The following BCOR variants were observed in gnomAD, a reference collection of about 807,000 sequenced individuals.
The protein encoded by BCOR is BCL6 corepressor, also known as BCL-6 corepressor.
BCOR carries 10 observed loss-of-function variants against 86.7 expected under a neutral mutation model. That is an observed-to-expected ratio of 0.12 (90% confidence interval 0.07 to 0.20). BCOR has a LOEUF of 0.20. BCOR is among the 10% of genes least tolerant of loss of function. BCOR has a pLI of 1.00. For missense variants in BCOR, 1,259 were observed against 1,452.1 expected (o/e 0.87, Z 2.16); for synonymous variants, 611 against 609.0 (o/e 1.00, Z -0.05).
rs768157411 is a variant in BCOR, at chrX:40,159,358, G to GT, written c.-41+17648dup. Among the ~76,000 whole-genome samples, 435 of 112,666 alleles carry GT rather than the reference G, an allele frequency of 3.9e-3. 3 individuals carry two copies. The highest frequency in any genetic ancestry group is 0.013 in the African/African-American group (405 of 31,068). On this transcript the variant is annotated intron_variant, in intron 1 of 14. Coordinates refer to the BCOR transcript ENST00000342274. The stretch of plus-strand genomic sequence containing the variant: ...AAAGTGTTTTTTTTGTTTGTTTTTT[G>GT]TTTTTTGAGACAGAGTCTCGCTCTG...
intron 1 of BCOR, among the ~76,000 whole-genome samples, chrX:40,160,186 G>A (rs1382964661): frequency 2.7e-5 from 3 of 109,894 alleles, no homozygotes; most frequent in East Asian, 5.8e-4. Flanking sequence ...CGCGATCTCG[G>A]CTCACTGCAA....
chrX:40,172,316 G>C (rs904559871), intron 1 of BCOR, among the ~76,000 whole-genome samples: 1 of 112,439 alleles, frequency 8.9e-6, no homozygotes, highest in African/African-American at 3.2e-5. Context: ...GAGCGAACAG[G>C]TCCTCGCCAG....
At chrX:40,070,007 G>A (rs1227102223) in intron 6 of BCOR, among the ~76,000 whole-genome samples, 3 of 111,757 alleles carry the variant, frequency 2.7e-5, no homozygotes, top group East Asian at 2.8e-4. Context: ...AGGGGTGTGC[G>A]CTCCGAGTAT....
intron 1 of BCOR, among the ~76,000 whole-genome samples, chrX:40,113,488 G>A (rs1403327272): frequency 1.8e-5 from 2 of 110,727 alleles, no homozygotes; most frequent in Non-Finnish European, 3.8e-5. Flanking sequence ...CCTTAACAAG[G>A]CCACTTCATT....
intron 1 of BCOR, among the ~76,000 whole-genome samples, chrX:40,104,988 C>T (rs1937145432): frequency 9.0e-6 from 1 of 110,903 alleles, no homozygotes; most frequent in Non-Finnish European, 1.9e-5. Flanking sequence ...CGGAGCCCGG[C>T]CAGGCTCGGT....
Position 40,074,139 on chromosome X carries a change from C to A in BCOR, c.1207G>T (p.Ala403Ser). 4 of 1,212,270 alleles carry A rather than the reference C, an allele frequency of 3.3e-6. No homozygotes were observed. In the Middle Eastern group the frequency reaches 9.2e-4, roughly 279 times the overall value. Residue 403 changes from alanine (A) to serine (S), a missense_variant, in exon 4 of 15, where the codon GCC (alanine) becomes TCC (serine). By Grantham distance (99) the Ala-to-Ser change is moderately conservative (BLOSUM62 1). Around this residue, in one of 7 missense-constraint regions of BCOR, gnomAD observed 534 missense variants for 594.8 expected, o/e 0.90. Coordinates refer to ENST00000378444, the MANE Select transcript of BCOR (RefSeq NM_001123385.2). ...CGGGCATGCCCGGGCACTGGCTGGGCACCTTCGCCCCCTTCCGGAGCCTTG... is the reference window on the plus strand; with the variant it reads ...CGGGCATGCCCGGGCACTGGCTGGGAACCTTCGCCCCCTTCCGGAGCCTTG... ...YPKAPEGGEG[A>S]QPVPGHARKT...
chrX:40,086,343 A>C (rs1234404784), intron 1 of BCOR, among the ~76,000 whole-genome samples: 2 of 112,912 alleles, frequency 1.8e-5, no homozygotes, highest in Non-Finnish European at 3.7e-5. Context: ...CTTAGGGCTG[A>C]AAGTTATTTT....
At chrX:40,129,019 G>A (rs1937575461) in intron 1 of BCOR, among the ~76,000 whole-genome samples, 1 of 111,964 alleles carries the variant, frequency 8.9e-6, no homozygotes, top group Admixed American at 9.5e-5. Context: ...ACAACTAAAT[G>A]ACCCTATTTT....
At chrX:40,052,427 G>T in intron 14 of BCOR, 27 bp from the exon 15 acceptor site, 1 of 1,198,303 alleles carries the variant, frequency 8.3e-7, no homozygotes, top group South Asian at 1.8e-5. Flanking sequence ...AAAATGCTTT[G>T]AGTTTCCAGT....
chrX:40,052,813 C>G (rs1484652604), intron 14 of BCOR, among the ~76,000 whole-genome samples: 4 of 111,169 alleles, frequency 3.6e-5, no homozygotes, highest in Non-Finnish European at 5.7e-5. Context: ...ATCCGCCCGC[C>G]TTGGCCTCCC....
intron 1 of BCOR, among the ~76,000 whole-genome samples, chrX:40,130,740 C>A (rs1037314820): frequency 8.9e-6 from 1 of 112,231 alleles, no homozygotes; most frequent in East Asian, 2.8e-4. Context: ...GAGGGGCAAA[C>A]GACCCCCTCC....
intron 1 of BCOR, among the ~76,000 whole-genome samples, chrX:40,156,799 G>A (rs943853467): frequency 8.8e-6 from 1 of 113,566 alleles, no homozygotes; most frequent in Non-Finnish European, 1.9e-5. Context: ...CTCACGCCTG[G>A]GGCAGCTTAA....
chrX:40,077,970 C>G lies in BCOR; in HGVS notation c.-40-1G>C, dbSNP rs2147333431. 1 of 1,117,627 alleles carries G rather than the reference C, an allele frequency of 8.9e-7. No individual in the cohort carries two copies. The highest frequency in any genetic ancestry group is 1.2e-6 in the Non-Finnish European group (1 of 809,573). 92.1% of individuals were successfully genotyped at this position (1,117,627 alleles called of 1,213,427 possible). A position where few individuals can be genotyped will look rare whatever the true frequency, so the allele number is the denominator to read the frequency against. On this transcript the variant is annotated splice_acceptor_variant, in intron 1 of 14. Coordinates refer to ENST00000378444, the MANE Select transcript of BCOR (RefSeq NM_001123385.2). LOFTEE classifies it low-confidence loss of function (5UTR_SPLICE). ...GGCAGCTTTGCTTCAAGCGTCTAGT[C>G]TGTTAAAAGGAAAGAAAAAAAATCC...
intron 1 of BCOR, among the ~76,000 whole-genome samples, chrX:40,151,339 T>TAATG (rs1476939536): frequency 3.6e-5 from 4 of 112,229 alleles, no homozygotes; most frequent in African/African-American, 1.3e-4. Context: ...CACCCTTCTG[T>TAATG]AATGTTTTCC....
chrX:40,078,744 G>A (rs1935934749), intron 1 of BCOR, among the ~76,000 whole-genome samples: 1 of 111,898 alleles, frequency 8.9e-6, no homozygotes, highest in South Asian at 3.7e-4. Context: ...GCTGGCACAT[G>A]GGGAGCCGGC....
chrX:40,169,761 A>G (rs1406625660), intron 1 of BCOR, among the ~76,000 whole-genome samples: 1 of 111,182 alleles, frequency 9.0e-6, no homozygotes, highest in Non-Finnish European at 1.9e-5. Flanking sequence ...TAAATGAATC[A>G]CGAGGGGGAA....
chrX:40,128,429 C>G (rs1271041078), intron 1 of BCOR, among the ~76,000 whole-genome samples: 3 of 110,846 alleles, frequency 2.7e-5, no homozygotes, highest in Non-Finnish European at 5.7e-5. Flanking sequence ...ACCTGTGATC[C>G]CAGCGACTTG....
chrX:40,085,940 A>C (rs1168905675), intron 1 of BCOR, among the ~76,000 whole-genome samples: 1 of 111,663 alleles, frequency 9.0e-6, no homozygotes, highest in Non-Finnish European at 1.9e-5. Flanking sequence ...GGTACCAGGA[A>C]CTCAAAGAAA....
chrX:40,088,725 A>G (rs1307753078), intron 1 of BCOR, among the ~76,000 whole-genome samples: 1 of 112,088 alleles, frequency 8.9e-6, no homozygotes, highest in Non-Finnish European at 1.9e-5. Flanking sequence ...ATTGAAAACC[A>G]CATTGAGCCC....
Sources: allele counts gnomAD v4.1 joint callset (sites outside exome capture counted in the v4.1 genomes callset), GRCh38; gene constraint gnomAD v4.1.1; regional missense constraint gnomAD v4.1.1; transcripts MANE v1.5; gene names NCBI Gene and HGNC (gene_info 2026-07-23, HGNC 2026-07-21).